The following ADCY8 variants were observed in gnomAD, a reference collection of about 807,000 sequenced individuals.
ADCY8 encodes adenylate cyclase 8, also known as adenylate cyclase type 8.
In ADCY8, 51 loss-of-function variants were observed where a neutral mutation model predicts 119.7. The ratio of observed to expected loss-of-function variants is 0.43; its 90% CI spans 0.34 to 0.54. The LOEUF is 0.54. Ranked by LOEUF, ADCY8 falls within the 20% of genes least tolerant of loss-of-function variation. The pLI, the probability that ADCY8 is intolerant of heterozygous loss-of-function variation, is 0.03. For synonymous variants in ADCY8, 665 were observed against 651.0 expected (o/e 1.02, Z -0.33); for missense variants, 1,383 against 1,598.8 (o/e 0.87, Z 2.30).
In ADCY8 at chr8:130,862,377, G is replaced by T. The variant is rs573224174; in HGVS notation, c.2210+5469C>A. On this transcript the variant is annotated intron_variant, in intron 9 of 17. Transcript: ENST00000286355. ...GCTTTCATGGCATCCCACAAATTTG[G>T]TAAGTTGTGTTTTCATTTTCATTTA... 2.6e-5 allele frequency among the ~76,000 whole-genome samples: 4 copies of T among 152,132 alleles called. No homozygotes were observed. The South Asian group carries it at 8.3e-4, about 32-fold the overall frequency.
At chr8:131,011,227 T>C (rs971606739) in intron 1 of ADCY8, among the ~76,000 whole-genome samples, 1 of 151,744 alleles carries the variant, frequency 6.6e-6, no homozygotes. Flanking sequence ...CAGAAAAGAA[T>C]CAGGTATACT....
intron 14 of ADCY8, among the ~76,000 whole-genome samples, chr8:130,810,747 A>G (rs1816138839): frequency 6.6e-6 from 1 of 152,240 alleles, no homozygotes; most frequent in Admixed American, 6.5e-5. Context: ...TAAAATCTCA[A>G]ATAATCCTGA....
At chr8:130,891,314 T>G (rs1819179407) in intron 7 of ADCY8, among the ~76,000 whole-genome samples, 1 of 152,120 alleles carries the variant, frequency 6.6e-6, no homozygotes, top group Non-Finnish European at 1.5e-5. Flanking sequence ...TAAGAGTACC[T>G]CAACAGTGCA....
At chr8:131,029,391 T>C (rs1350202877) in intron 1 of ADCY8, among the ~76,000 whole-genome samples, 1 of 152,218 alleles carries the variant, frequency 6.6e-6, no homozygotes, top group African/African-American at 2.4e-5. Flanking sequence ...GGAAAAATTA[T>C]CTTCCATGAA....
At chr8:130,978,345 G>A (rs549547312) in intron 2 of ADCY8, among the ~76,000 whole-genome samples, 1 of 152,038 alleles carries the variant, frequency 6.6e-6, no homozygotes, top group South Asian at 2.1e-4. Flanking sequence ...AGAAAGAAGA[G>A]TTAATGGATT....
At chr8:130,876,205 C>T (rs1586517935) in intron 8 of ADCY8, among the ~76,000 whole-genome samples, 1 of 152,104 alleles carries the variant, frequency 6.6e-6, no homozygotes, top group African/African-American at 2.4e-5. Context: ...TGTGTGCCAC[C>T]ACACCTGGCT....
intron 2 of ADCY8, among the ~76,000 whole-genome samples, chr8:130,973,260 C>A (rs1462367515): frequency 6.6e-6 from 1 of 152,196 alleles, no homozygotes; most frequent in Non-Finnish European, 1.5e-5. Context: ...ATAATAATTC[C>A]TTTTGGCTAA....
In ADCY8 at chr8:130,847,452, A is replaced by T; in HGVS notation, c.2474T>A (p.Val825Glu). The T allele has an allele frequency of 6.2e-7, 1 of 1,613,378 alleles. No homozygotes were observed. The highest frequency in any genetic ancestry group is 8.5e-7 in the Non-Finnish European group (1 of 1,179,648). Residue 825 changes from valine (V) to glutamate (E), a missense_variant, in exon 11 of 18, where the codon GTG becomes GAG. Val to Glu is a moderately radical substitution (Grantham distance 121). This residue lies in a region of ADCY8 where 928 missense variants were observed against 1,163.5 expected (regional missense o/e 0.80). Transcript: ENST00000286355. Reference sequence around the variant, plus strand: ...TGGGTAGGAGCAGATATCTGTAAACACAGCTGAGGAATTGAAAGTCAGGTT... The same window carrying T: ...TGGGTAGGAGCAGATATCTGTAAACTCAGCTGAGGAATTGAAAGTCAGGTT... ...LKNLTFNSSA[V>E]FTDICSYPEY... is the part of the protein sequence containing the mutation.
At chr8:130,984,213 G>C (rs1282787016) in intron 2 of ADCY8, among the ~76,000 whole-genome samples, 1 of 152,050 alleles carries the variant, frequency 6.6e-6, no homozygotes, top group South Asian at 2.1e-4. Context: ...GCATGAGTGG[G>C]CTCCCTGTGG....
intron 13 of ADCY8, among the ~76,000 whole-genome samples, chr8:130,818,579 C>T (rs1816414238): frequency 6.6e-6 from 1 of 152,244 alleles, no homozygotes; most frequent in Non-Finnish European, 1.5e-5. Context: ...TGTTTAATTA[C>T]ACATGCCCCC....
chr8:130,838,305 T>G (rs1817048548), intron 11 of ADCY8, among the ~76,000 whole-genome samples: 1 of 152,216 alleles, frequency 6.6e-6, no homozygotes, highest in Non-Finnish European at 1.5e-5. Flanking sequence ...AGTGTCTCCT[T>G]TACTTCTGTC....
At chr8:130,989,068 T>C (rs1198698814) in intron 2 of ADCY8, among the ~76,000 whole-genome samples, 1 of 152,230 alleles carries the variant, frequency 6.6e-6, no homozygotes, top group Non-Finnish European at 1.5e-5. Context: ...GAGATACTCA[T>C]GTTTATTGTA....
intron 8 of ADCY8, among the ~76,000 whole-genome samples, chr8:130,870,900 G>C (rs1373243433): frequency 6.6e-6 from 1 of 152,062 alleles, no homozygotes; most frequent in African/African-American, 2.4e-5. Flanking sequence ...TTTCTTATCT[G>C]TCAAATGGGA....
intron 9 of ADCY8, among the ~76,000 whole-genome samples, chr8:130,861,309 T>C (rs1817920867): frequency 6.6e-6 from 1 of 152,216 alleles, no homozygotes; most frequent in Admixed American, 6.5e-5. Context: ...ATTTTAACAA[T>C]AGCAAGTCTT....
Position 130,849,661 on chromosome 8 carries a change from G to A in ADCY8, c.2353C>T (p.Arg785Trp), listed in dbSNP as rs1433282186. ...ATGGATGCAAAGATGATGACGTTCC[G>A]GGCCAAATAGGTCTCATTAATCCAA... ...CCWINETYLA[R>W]NVIIFASILI... is the part of the protein sequence containing the mutation. The change falls in exon 10 of 18, where the codon CGG becomes TGG. Residue 785 changes from arginine to tryptophan, a missense_variant. Transcript: ENST00000286355. 5.0e-6 allele frequency: 8 copies of A among 1,613,932 alleles called. No individual in the cohort carries two copies. The highest frequency in any genetic ancestry group is 2.2e-5 in the East Asian group (1 of 44,888).
At chr8:130,866,660 A>G (rs1254607494) in intron 9 of ADCY8, among the ~76,000 whole-genome samples, 1 of 152,180 alleles carries the variant, frequency 6.6e-6, no homozygotes, top group African/African-American at 2.4e-5. Flanking sequence ...TCCTTGAGTC[A>G]TGTGGTCAGA....
intron 5 of ADCY8, among the ~76,000 whole-genome samples, chr8:130,915,768 C>A (rs553087756): frequency 1.8e-4 from 27 of 152,318 alleles, no homozygotes; most frequent in Non-Finnish European, 2.4e-4. Flanking sequence ...ACTTTACCTA[C>A]CCTTTTCTGC....
chr8:131,030,024 G>T (rs1823949140), intron 1 of ADCY8, among the ~76,000 whole-genome samples: 1 of 152,202 alleles, frequency 6.6e-6, no homozygotes, highest in Non-Finnish European at 1.5e-5. Flanking sequence ...ACCTCAAGGG[G>T]CTCATAGTCT....
In ADCY8 at chr8:130,780,548, C is replaced by A; in HGVS notation, c.3598G>T (p.Val1200Phe). The change falls in exon 18 of 18, where the codon GTC (valine) becomes TTC (phenylalanine). Residue 1200 changes from valine (V) to phenylalanine (F), a missense_variant. By Grantham distance (50) the Val-to-Phe change is conservative. Coordinates refer to ENST00000286355, the MANE Select transcript of ADCY8 (RefSeq NM_001115.3). ...TGCCTTTGCCTATTGAGGGACTGGACAAGTCCCAGGACAACCGCGGCCAGG... is the reference window on the plus strand; with the variant it reads ...TGCCTTTGCCTATTGAGGGACTGGAAAAGTCCCAGGACAACCGCGGCCAGG... ...YSLAAVVLGL[V>F]QSLNRQRQKQ... 1 of 1,614,134 alleles carries A rather than the reference C, an allele frequency of 6.2e-7. No individual in the cohort carries two copies. The highest frequency in any genetic ancestry group is 8.5e-7 in the Non-Finnish European group (1 of 1,180,020).
Sources: allele counts gnomAD v4.1 joint callset (sites outside exome capture counted in the v4.1 genomes callset), GRCh38; gene constraint gnomAD v4.1.1; regional missense constraint gnomAD v4.1.1; transcripts MANE v1.5; gene names NCBI Gene and HGNC (gene_info 2026-07-23, HGNC 2026-07-21).